PPARGC1B: variants seen among roughly 807,000 people sequenced by gnomAD.
PPARGC1B encodes peroxisome proliferator-activated receptor gamma coactivator 1-beta.
A neutral mutation model predicts 101.6 loss-of-function variants in PPARGC1B; 34 were observed. The observed-to-expected ratio is 0.33, with a 90% CI of 0.25 to 0.45. PPARGC1B has a LOEUF of 0.45. Ranked by LOEUF, PPARGC1B falls within the 20% of genes least tolerant of loss-of-function variation. The pLI is 1.00. For synonymous variants in PPARGC1B, 548 were observed against 539.3 expected, an observed-to-expected ratio of 1.02 and a Z score of -0.22; for missense variants, 1,234 against 1,317.6, an observed-to-expected ratio of 0.94 and a Z score of 0.98.
At chr5:149,761,315 A>T (rs1755708784) in intron 1 of PPARGC1B, 1 of 152,116 alleles carries the variant, frequency 6.6e-6, no homozygotes, top group African/African-American at 2.4e-5. Context: ...AATTTCAAGT[A>T]TACAATATAG....
chr5:149,792,230 TGCATCGATAGTCCC>T (rs1317690858), intron 1 of PPARGC1B, among the ~76,000 whole-genome samples: 1 of 152,114 alleles, frequency 6.6e-6, no homozygotes, highest in Admixed American at 6.5e-5. Context: ...AAACAGAGCT[TGCATCGATAGTCCC>T]TCGGGAGCCA....
At chr5:149,777,889 A>G (rs559565986) in intron 1 of PPARGC1B, among the ~76,000 whole-genome samples, 12 of 92,138 alleles carry the variant, frequency 1.3e-4, no homozygotes, top group African/African-American at 5.6e-4. Flanking sequence ...AGACACACAC[A>G]CAGAGTACCC....
chr5:149,856,572 T>C (rs1486102041), downstream of PPARGC1B, among the ~76,000 whole-genome samples: 1 of 152,180 alleles, frequency 6.6e-6, no homozygotes, highest in Non-Finnish European at 1.5e-5. Context: ...GCCACTTCTG[T>C]ATTGTGTGAA....
chr5:149,792,760 T>A (rs10476746), intron 1 of PPARGC1B, among the ~76,000 whole-genome samples: 2 of 151,880 alleles, frequency 1.3e-5, no homozygotes, highest in African/African-American at 4.8e-5. Context: ...CATTCATTCA[T>A]TCATTCATTC....
chr5:149,746,487 A>G (rs1049608423), intron 1 of PPARGC1B, among the ~76,000 whole-genome samples: 2 of 152,210 alleles, frequency 1.3e-5, no homozygotes, highest in African/African-American at 2.4e-5. Flanking sequence ...CATTTTGCTT[A>G]TCCATTCATT....
chr5:149,760,505 A>G (rs575120691), intron 1 of PPARGC1B, among the ~76,000 whole-genome samples: 2 of 152,328 alleles, frequency 1.3e-5, no homozygotes, highest in East Asian at 3.9e-4. Flanking sequence ...AGTGGGTGTG[A>G]GAATTAAATG....
downstream of PPARGC1B, among the ~76,000 whole-genome samples, chr5:149,857,354 T>A (rs2113479029): frequency 6.6e-6 from 1 of 152,270 alleles, no homozygotes. Context: ...TGACCTTTTT[T>A]TGACAGATTG....
Position 149,807,378 on chromosome 5 carries a change from G to A in PPARGC1B, c.79-13055G>A, listed in dbSNP as rs1544743. ...CCACACAACATGGCAAGGAAAGGAA[G>A]CACCTGCCAGCTCATGAGCAGGGTG... On this transcript the variant is annotated intron_variant, in intron 1 of 11. Transcript: ENST00000309241. Among the ~76,000 whole-genome samples the A allele has an allele frequency of 5.0e-3, 767 of 152,070 alleles. 8 individuals carry two copies. Among genetic ancestry groups the A allele is most frequent in the Middle Eastern group, 0.017 (5 of 294 alleles).
intron 1 of PPARGC1B, among the ~76,000 whole-genome samples, chr5:149,784,560 CTT>C (rs72364863): frequency 2.1e-3 from 160 of 75,696 alleles, no homozygotes; most frequent in East Asian, 7.7e-3. Context: ...AACTGAGTTT[CTT>C]TTTTTTTTTT....
intron 1 of PPARGC1B, among the ~76,000 whole-genome samples, chr5:149,741,418 G>T (rs1011056084): frequency 6.6e-6 from 1 of 152,176 alleles, no homozygotes; most frequent in Admixed American, 6.5e-5. Context: ...AGGGCAACCC[G>T]GCCTTTATGC....
chr5:149,856,451 T>C (rs1759953725), downstream of PPARGC1B, among the ~76,000 whole-genome samples: 1 of 152,180 alleles, frequency 6.6e-6, no homozygotes, highest in Non-Finnish European at 1.5e-5. Context: ...TTCCGTTCAC[T>C]GCAGGGCACT....
intron 1 of PPARGC1B, among the ~76,000 whole-genome samples, chr5:149,799,082 A>T (rs1013141211): frequency 2.0e-5 from 3 of 151,288 alleles, no homozygotes. Context: ...ACCTCACTAG[A>T]TGGACTGTGA....
chr5:149,843,571 A>G (rs1022352202), intron 10 of PPARGC1B, among the ~76,000 whole-genome samples: 8 of 152,208 alleles, frequency 5.3e-5, no homozygotes, highest in Admixed American at 1.3e-4. Context: ...GCCGATGTGG[A>G]AAACAGTATG....
intron 1 of PPARGC1B, among the ~76,000 whole-genome samples, chr5:149,752,391 G>T (rs192734682): frequency 6.6e-6 from 1 of 152,326 alleles, no homozygotes; most frequent in East Asian, 1.9e-4. Flanking sequence ...TGGGGCTCAC[G>T]CAGAGCAAGC....
At chr5:149,843,919 C>T (rs1044703153) in intron 10 of PPARGC1B, among the ~76,000 whole-genome samples, 4 of 152,192 alleles carry the variant, frequency 2.6e-5, no homozygotes, top group African/African-American at 9.7e-5. Flanking sequence ...TATGATTTCA[C>T]TTATATGCTA....
In PPARGC1B at chr5:149,851,819, A is replaced by G. The variant is rs1042921538; in HGVS notation, c.*4261A>G. 4 of 152,232 alleles carry G rather than the reference A, an allele frequency of 2.6e-5. No homozygotes were observed. Among genetic ancestry groups the G allele is most frequent in the African/African-American group, 9.7e-5 (4 of 41,450 alleles). 9.4% of individuals were successfully genotyped at this position (152,232 alleles called of 1,614,324 possible). On this transcript the variant is annotated 3_prime_UTR_variant, in exon 12 of 12. Coordinates refer to ENST00000309241, the MANE Select transcript of PPARGC1B (RefSeq NM_133263.4). The stretch of plus-strand genomic sequence containing the variant: ...GATGTGTCCTTGGCCCAGAACCACC[A>G]TGGGATGGGGGAGGCCCTGAGCCGG...
At chr5:149,776,814 T>G (rs949284329) in intron 1 of PPARGC1B, among the ~76,000 whole-genome samples, 1 of 152,174 alleles carries the variant, frequency 6.6e-6, no homozygotes, top group Non-Finnish European at 1.5e-5. Flanking sequence ...GTGTATGTGG[T>G]TCTCAGTTGA....
intron 6 of PPARGC1B, 126 bp downstream of exon 6, chr5:149,834,836 AT>A: frequency 1.2e-6 from 1 of 814,320 alleles, no homozygotes; most frequent in Non-Finnish European, 2.0e-6. Context: ...CTGTGCCCTG[AT>A]TGTCATCTGG....
chr5:149,815,877 A>G (rs775568048), intron 1 of PPARGC1B, among the ~76,000 whole-genome samples: 1 of 152,206 alleles, frequency 6.6e-6, no homozygotes, highest in African/African-American at 2.4e-5. Flanking sequence ...ACTTGCCGAC[A>G]TGGGGACGGT....
Sources: gnomAD v4.1 joint callset for allele counts (sites outside exome capture counted in the v4.1 genomes callset) on GRCh38, gnomAD v4.1.1 for gene constraint, MANE v1.5 for transcripts, NCBI Gene and HGNC (gene_info 2026-07-23, HGNC 2026-07-21) for gene names.